Variants in TNRC6B observed in about 807,000 individuals in gnomAD.
TNRC6B encodes trinucleotide repeat-containing gene 6B protein.
Under a neutral mutation model 203.6 loss-of-function variants are expected in TNRC6B, and 52 were observed. That is an observed-to-expected ratio of 0.26 (90% confidence interval 0.20 to 0.32). The LOEUF is 0.32. Ranked by LOEUF, TNRC6B falls within the 10% of genes least tolerant of loss-of-function variation. TNRC6B has a pLI of 1.00. For missense variants in TNRC6B, 1,923 were observed against 2,286.2 expected (o/e 0.84, Z 3.24); for synonymous variants, 838 against 845.7 (o/e 0.99, Z 0.16).
chr22:40,276,830 C>A, intron 7 of TNRC6B: 1 of 329,102 alleles, frequency 3.0e-6, no homozygotes, highest in South Asian at 1.3e-4. Context: ...AGCAAAAGTA[C>A]CAGCTGAGCA....
At chr22:40,129,069 A>G (rs774873227) in intron 3 of TNRC6B, among the ~76,000 whole-genome samples, 2 of 152,230 alleles carry the variant, frequency 1.3e-5, no homozygotes, top group Non-Finnish European at 2.9e-5. Flanking sequence ...AGCTGAAGCT[A>G]ATGGGCAAGG....
intron 4 of TNRC6B, among the ~76,000 whole-genome samples, chr22:40,169,201 G>A (rs369240093): frequency 1.4e-5 from 2 of 148,000 alleles, no homozygotes; most frequent in East Asian, 3.9e-4. Flanking sequence ...GCATGATCTC[G>A]GGTTACTGCA....
chr22:40,054,580 A>G (rs1180235740), intron 1 of TNRC6B, among the ~76,000 whole-genome samples: 1 of 152,154 alleles, frequency 6.6e-6, no homozygotes. Flanking sequence ...TAATTTGTAT[A>G]TTATATTTCC....
intron 1 of TNRC6B, among the ~76,000 whole-genome samples, chr22:40,060,806 G>T (rs1319732208): frequency 1.3e-5 from 2 of 152,174 alleles, no homozygotes; most frequent in South Asian, 2.1e-4. Flanking sequence ...GTGAAGTGTT[G>T]TCTACTAGGA....
intron 1 of TNRC6B, among the ~76,000 whole-genome samples, chr22:40,066,911 T>A (rs557760812): frequency 1.3e-5 from 2 of 151,464 alleles, no homozygotes; most frequent in East Asian, 1.9e-4. Flanking sequence ...TTTTTCTTTT[T>A]AAATTTTTTT....
chr22:40,105,094 G>T (rs2068271620), intron 1 of TNRC6B, among the ~76,000 whole-genome samples: 1 of 152,212 alleles, frequency 6.6e-6, no homozygotes, highest in African/African-American at 2.4e-5. Context: ...ACGATTGAGA[G>T]CAAGTGTGGC....
chr22:40,286,502 A>C (rs979318182), intron 12 of TNRC6B, among the ~76,000 whole-genome samples: 7 of 152,040 alleles, frequency 4.6e-5, no homozygotes, highest in Admixed American at 1.3e-4. Context: ...GCGAGACTCC[A>C]TTTCAAAAAA....
At chr22:40,316,268 G>A (rs543175337) in intron 21 of TNRC6B, among the ~76,000 whole-genome samples, 9 of 151,992 alleles carry the variant, frequency 5.9e-5, no homozygotes, top group African/African-American at 2.4e-5. Context: ...GCAGGATAAC[G>A]GCGTGAACCC....
intron 19 of TNRC6B, among the ~76,000 whole-genome samples, chr22:40,314,594 C>A (rs1178558509): frequency 3.9e-5 from 6 of 152,186 alleles, no homozygotes; most frequent in Non-Finnish European, 5.9e-5. Context: ...CAAGAGCTGT[C>A]TTTATAAAGC....
At chr22:40,200,050 C>T (rs112842320) in intron 1 of TNRC6B, among the ~76,000 whole-genome samples, 10 of 151,990 alleles carry the variant, frequency 6.6e-5, no homozygotes, top group Non-Finnish European at 1.2e-4. Flanking sequence ...CCGCCCGACT[C>T]GGCCTCTCAA....
At chr22:40,212,636 T>A (rs368352926) in intron 1 of TNRC6B, among the ~76,000 whole-genome samples, 4 of 152,244 alleles carry the variant, frequency 2.6e-5, no homozygotes, top group East Asian at 1.9e-4. Flanking sequence ...AGCTGGGTAT[T>A]TCTTTTTTGT....
intron 1 of TNRC6B, among the ~76,000 whole-genome samples, chr22:40,052,289 G>A (rs750779712): frequency 2.0e-5 from 3 of 151,700 alleles, no homozygotes; most frequent in Non-Finnish European, 4.4e-5. Flanking sequence ...TTACCAATTT[G>A]CGTTATAATC....
At chr22:40,130,018 A>T (rs901873799) in intron 3 of TNRC6B, among the ~76,000 whole-genome samples, 3 of 152,232 alleles carry the variant, frequency 2.0e-5, no homozygotes, top group African/African-American at 7.2e-5. Flanking sequence ...AATGATTTTT[A>T]AAAATGAGTT....
chr22:40,183,861 A>AT (rs1195037327), intron 1 of TNRC6B, among the ~76,000 whole-genome samples: 2 of 151,956 alleles, frequency 1.3e-5, no homozygotes, highest in African/African-American at 2.4e-5. Context: ...CACCCAGCTA[A>AT]TTTTTTGTAT....
At chr22:40,160,489 A>AG (rs1470735546) in intron 4 of TNRC6B, among the ~76,000 whole-genome samples, 2 of 151,840 alleles carry the variant, frequency 1.3e-5, no homozygotes, top group Non-Finnish European at 2.9e-5. Flanking sequence ...AAAAAAAAAA[A>AG]AAGAGATATT....
rs538929348 is a variant in TNRC6B at position 40,106,661 on chromosome 22, A to G, written c.-120-10394A>G. Reference sequence around the variant, plus strand: ...CCCCCAAGCAATATATGACTCTACAATCCTCAGCATGTTAATTGAAGCCCT... The same window carrying G: ...CCCCCAAGCAATATATGACTCTACAGTCCTCAGCATGTTAATTGAAGCCCT... On this transcript the variant is annotated intron_variant, in intron 1 of 23. Coordinates refer to the TNRC6B transcript ENST00000301923. The G allele has an allele frequency of 1.5e-5, 11 of 751,736 alleles. No individual in the cohort carries two copies. The East Asian group carries it at 2.0e-4, about 13-fold the overall frequency. The allele number at this position is 751,736 out of a possible 1,614,324, so 46.6% of individuals were successfully genotyped here.
chr22:40,241,224 G>A (rs1370457117), intron 1 of TNRC6B, among the ~76,000 whole-genome samples: 1 of 152,150 alleles, frequency 6.6e-6, no homozygotes, highest in African/African-American at 2.4e-5. Context: ...ATTAACTGCT[G>A]ATCCAATGCT....
At chr22:40,259,000 A>G (rs533374403) in intron 3 of TNRC6B, among the ~76,000 whole-genome samples, 1 of 152,300 alleles carries the variant, frequency 6.6e-6, no homozygotes, top group Non-Finnish European at 1.5e-5. Flanking sequence ...CCTTACAGAA[A>G]CATAGCTCTT....
chr22:40,079,068 C>G (rs1351977826), intron 1 of TNRC6B, among the ~76,000 whole-genome samples: 1 of 151,110 alleles, frequency 6.6e-6, no homozygotes, highest in African/African-American at 2.4e-5. Flanking sequence ...GCATGAAACT[C>G]TGTCTCAAAA....
Sources: allele counts gnomAD v4.1 joint callset (sites outside exome capture counted in the v4.1 genomes callset), GRCh38; gene constraint gnomAD v4.1.1; transcripts MANE v1.5; gene names NCBI Gene and HGNC (gene_info 2026-07-23, HGNC 2026-07-21).